NMNAT3: variants seen among roughly 807,000 people sequenced by gnomAD.
The protein encoded by NMNAT3 is nicotinamide/nicotinic acid mononucleotide adenylyltransferase 3.
Under a neutral mutation model 24.8 loss-of-function variants are expected in NMNAT3, and 21 were observed. The ratio of observed to expected loss-of-function variants is 0.85; its 90% CI spans 0.60 to 1.22. NMNAT3 has a LOEUF of 1.22. Among genes scored for constraint, NMNAT3 ranks in the 50% most tolerant of loss-of-function variants. The pLI, the probability that NMNAT3 is intolerant of heterozygous loss-of-function variation, is 0.00. For missense variants in NMNAT3, 387 were observed against 436.6 expected, an observed-to-expected ratio of 0.89 and a Z score of 1.01; for synonymous variants, 136 against 155.2, an observed-to-expected ratio of 0.88 and a Z score of 0.92.
At chr3:139,601,494 C>G (rs2054715011) in intron 3 of NMNAT3, among the ~76,000 whole-genome samples, 1 of 152,184 alleles carries the variant, frequency 6.6e-6, no homozygotes. Context: ...GGAAAGCACA[C>G]TAGAAATATC....
intron 5 of NMNAT3, chr3:139,576,112 T>C: frequency 8.0e-7 from 1 of 1,249,378 alleles, no homozygotes; most frequent in Non-Finnish European, 1.0e-6. Flanking sequence ...TTTGTTACTA[T>C]GTCACTATGA....
intron 1 of NMNAT3, among the ~76,000 whole-genome samples, chr3:139,675,998 T>C (rs2057917061): frequency 6.6e-6 from 1 of 152,228 alleles, no homozygotes; most frequent in African/African-American, 2.4e-5. Flanking sequence ...GCCAGGTCTG[T>C]GACCACCAAG....
intron 4 of NMNAT3, among the ~76,000 whole-genome samples, chr3:139,580,647 G>A (rs1234007579): frequency 6.6e-6 from 1 of 152,110 alleles, no homozygotes; most frequent in Non-Finnish European, 1.5e-5. Flanking sequence ...CATCCTGAGT[G>A]GGAGTAGACT....
intron 1 of NMNAT3, among the ~76,000 whole-genome samples, chr3:139,661,805 A>G (rs2108428200): frequency 6.6e-6 from 1 of 152,332 alleles, no homozygotes; most frequent in Admixed American, 6.5e-5. Context: ...CATTATAAAC[A>G]CCATGTTATT....
intron 2 of NMNAT3, among the ~76,000 whole-genome samples, chr3:139,629,280 G>A (rs530848826): frequency 2.8e-4 from 43 of 152,312 alleles, no homozygotes; most frequent in African/African-American, 1.0e-3. Flanking sequence ...CAGCCAGTGA[G>A]GAACTGGATC....
intron 2 of NMNAT3, among the ~76,000 whole-genome samples, chr3:139,633,301 C>T (rs1003510115): frequency 3.9e-5 from 6 of 152,060 alleles, no homozygotes; most frequent in African/African-American, 1.4e-4. Flanking sequence ...CTGCCTCTTC[C>T]TCCTGAGTAA....
intron 3 of NMNAT3, among the ~76,000 whole-genome samples, chr3:139,616,915 T>C (rs2055533405): frequency 6.6e-6 from 1 of 152,240 alleles, no homozygotes; most frequent in Non-Finnish European, 1.5e-5. Context: ...CTTTACCTAC[T>C]GCAACATGTC....
chr3:139,596,963 TA>T (rs772556226), intron 3 of NMNAT3, among the ~76,000 whole-genome samples: 36 of 118,480 alleles, frequency 3.0e-4, no homozygotes, highest in African/African-American at 6.0e-4. Flanking sequence ...TATATATATA[TA>T]TTTTTATTAC....
At chr3:139,654,876 C>T (rs905917754) in intron 1 of NMNAT3, among the ~76,000 whole-genome samples, 2 of 152,090 alleles carry the variant, frequency 1.3e-5, no homozygotes, top group African/African-American at 2.4e-5. Flanking sequence ...CAAAGACACA[C>T]CACAGTCATG....
intron 3 of NMNAT3, among the ~76,000 whole-genome samples, chr3:139,589,020 C>T (rs986922894): frequency 6.6e-6 from 1 of 152,160 alleles, no homozygotes; most frequent in African/African-American, 2.4e-5. Context: ...GATCTGCAAA[C>T]ATGAGTGGAC....
intron 5 of NMNAT3, chr3:139,577,697 G>T (rs539794301): frequency 6.6e-6 from 1 of 152,082 alleles, no homozygotes; most frequent in East Asian, 1.9e-4. Context: ...TCAATATAAG[G>T]GTCTTTGTTT....
At chr3:139,575,628 G>T (rs1939183801) in intron 5 of NMNAT3, 8 of 1,012,300 alleles carry the variant, frequency 7.9e-6, no homozygotes, top group Non-Finnish European at 9.5e-6. Flanking sequence ...ATATTAGCTG[G>T]ATCTCTGAAC....
intron 1 of NMNAT3, among the ~76,000 whole-genome samples, chr3:139,648,947 A>G (rs1019446343): frequency 6.6e-6 from 1 of 152,224 alleles, no homozygotes; most frequent in Non-Finnish European, 1.5e-5. Flanking sequence ...ATATATGTAC[A>G]CCTAGATATG....
intron 3 of NMNAT3, among the ~76,000 whole-genome samples, chr3:139,603,510 T>TTCACCA (rs1421418728): frequency 6.7e-6 from 1 of 150,252 alleles, no homozygotes; most frequent in African/African-American, 2.4e-5. Flanking sequence ...CACAATCTCC[T>TTCACCA]TCACCATCAC....
intron 3 of NMNAT3, among the ~76,000 whole-genome samples, chr3:139,589,514 G>C (rs943029706): frequency 1.3e-5 from 2 of 152,220 alleles, no homozygotes; most frequent in Non-Finnish European, 2.9e-5. Flanking sequence ...TTGAATCCAG[G>C]AGACAGTGGA....
At chr3:139,564,069 G>C (rs369889645) in intron 6 of NMNAT3, among the ~76,000 whole-genome samples, 3 of 152,330 alleles carry the variant, frequency 2.0e-5, no homozygotes, top group South Asian at 2.1e-4. Context: ...AGGTCAGTCA[G>C]CTCTGGGTTC....
chr3:139,625,768 C>T (rs1183540590), intron 3 of NMNAT3, among the ~76,000 whole-genome samples: 1 of 152,040 alleles, frequency 6.6e-6, no homozygotes, highest in African/African-American at 2.4e-5. Context: ...TTGGTCCATG[C>T]TTCTGTTTGG....
intron 3 of NMNAT3, among the ~76,000 whole-genome samples, chr3:139,597,380 A>G (rs2054530571): frequency 6.6e-6 from 1 of 152,184 alleles, no homozygotes; most frequent in Admixed American, 6.5e-5. Context: ...TTTAAGTTTC[A>G]TAAAAATATA....
intron 6 of NMNAT3, chr3:139,565,396 T>G (rs1248920628): frequency 6.6e-6 from 1 of 152,214 alleles, no homozygotes; most frequent in Non-Finnish European, 1.5e-5. Context: ...AGTTTTAGGG[T>G]ACATGTGCAC....
Sources: allele counts gnomAD v4.1 joint callset (sites outside exome capture counted in the v4.1 genomes callset), GRCh38; gene constraint gnomAD v4.1.1; transcripts MANE v1.5; gene names NCBI Gene and HGNC (gene_info 2026-07-23, HGNC 2026-07-21).